Variants in BCAT1 observed in about 807,000 individuals in gnomAD.
BCAT1 encodes the protein branched-chain-amino-acid aminotransferase, cytosolic.
In BCAT1, 48 loss-of-function variants were observed where a neutral mutation model predicts 52.4. That is an observed-to-expected ratio of 0.92 (90% CI 0.73 to 1.16). BCAT1 has a LOEUF of 1.16. BCAT1 is among the 50% of genes most tolerant of loss of function. BCAT1 has a pLI of 0.00. For synonymous variants in BCAT1, 167 were observed against 161.3 expected, an observed-to-expected ratio of 1.04 and a Z score of -0.27; for missense variants, 451 against 457.1, an observed-to-expected ratio of 0.99 and a Z score of 0.12.
At chr12:24,855,118 A>G (rs1399346325) in intron 5 of BCAT1, among the ~76,000 whole-genome samples, 1 of 152,170 alleles carries the variant, frequency 6.6e-6, no homozygotes, top group Admixed American at 6.5e-5. Flanking sequence ...ATAATCACCA[A>G]GGAGGTCAGA....
chr12:24,860,644 T>C (rs921723757), intron 5 of BCAT1, among the ~76,000 whole-genome samples: 16 of 152,210 alleles, frequency 1.1e-4, no homozygotes, highest in African/African-American at 3.9e-4. Context: ...CTTTCAAATA[T>C]AAACAGATTG....
intron 5 of BCAT1, among the ~76,000 whole-genome samples, chr12:24,851,817 A>T (rs1591807606): frequency 1.3e-5 from 2 of 152,344 alleles, no homozygotes; most frequent in East Asian, 1.9e-4. Context: ...CCCAGCTACG[A>T]TAAAACTTAA....
intron 1 of BCAT1, among the ~76,000 whole-genome samples, chr12:24,914,250 T>A (rs1943372667): frequency 6.6e-6 from 1 of 151,974 alleles, no homozygotes; most frequent in Admixed American, 6.6e-5. Context: ...CCCGGCTAAT[T>A]TTTTATATTT....
At chr12:24,876,173 T>C (rs1349786962) in intron 5 of BCAT1, among the ~76,000 whole-genome samples, 2 of 145,930 alleles carry the variant, frequency 1.4e-5, no homozygotes, top group South Asian at 2.1e-4. Flanking sequence ...TCAAACATCA[T>C]ACAGTCAAAA....
chr12:24,910,273 A>G (rs1480683321), intron 1 of BCAT1, among the ~76,000 whole-genome samples: 1 of 152,004 alleles, frequency 6.6e-6, no homozygotes, highest in Non-Finnish European at 1.5e-5. Flanking sequence ...GCTCTACGGG[A>G]GGCTGAGGCA....
chr12:24,865,405 C>T (rs940681910), intron 5 of BCAT1, among the ~76,000 whole-genome samples: 6 of 152,202 alleles, frequency 3.9e-5, no homozygotes, highest in African/African-American at 1.2e-4. Flanking sequence ...GTGTGAGCTG[C>T]AGTAAGTATC....
chr12:24,901,348 C>T (rs1663510825), intron 2 of BCAT1, among the ~76,000 whole-genome samples: 1 of 152,210 alleles, frequency 6.6e-6, no homozygotes, highest in Non-Finnish European at 1.5e-5. Flanking sequence ...GTACAGTTTT[C>T]AACGTGCTTT....
At chr12:24,936,744 C>CAT (rs1425384927) in intron 1 of BCAT1, among the ~76,000 whole-genome samples, 18 of 150,504 alleles carry the variant, frequency 1.2e-4, no homozygotes, top group Middle Eastern at 3.4e-3. Context: ...CACACACATA[C>CAT]ACACACACAT....
intron 1 of BCAT1, among the ~76,000 whole-genome samples, chr12:24,922,053 C>A (rs1943506677): frequency 6.6e-6 from 1 of 152,232 alleles, no homozygotes; most frequent in African/African-American, 2.4e-5. Flanking sequence ...GGCACATAAA[C>A]CTGTTGTTCC....
chr12:24,933,973 G>A (rs1328583086), intron 1 of BCAT1, among the ~76,000 whole-genome samples: 1 of 152,032 alleles, frequency 6.6e-6, no homozygotes, highest in Admixed American at 6.6e-5. Flanking sequence ...CCTCTTGGCC[G>A]GCACCAGCTT....
intron 10 of BCAT1, among the ~76,000 whole-genome samples, chr12:24,820,703 A>T (rs1156967541): frequency 6.6e-6 from 1 of 152,220 alleles, no homozygotes; most frequent in African/African-American, 2.4e-5. Context: ...CATGTGGAAG[A>T]CTTAATGAAA....
chr12:24,887,080 A>AAATATATATATATATATAT (rs1245203518), intron 3 of BCAT1, among the ~76,000 whole-genome samples: 2 of 40,746 alleles, frequency 4.9e-5, no homozygotes, highest in Non-Finnish European at 1.0e-4. Flanking sequence ...AAAAAAAAAA[A>AAATATATATATATATATAT]ATATATATAT....
At chr12:24,902,054 G>C in intron 1 of BCAT1, 169 bp from the exon 2 acceptor site, 6 of 1,537,656 alleles carry the variant, frequency 3.9e-6, no homozygotes, top group Non-Finnish European at 4.4e-6. Context: ...TCCAACAAGC[G>C]TGTCTTGGGA....
At chr12:24,828,687 AT>A (rs1940511279) in intron 10 of BCAT1, among the ~76,000 whole-genome samples, 1 of 152,204 alleles carries the variant, frequency 6.6e-6, no homozygotes, top group East Asian at 1.9e-4. Flanking sequence ...ATATGATCCC[AT>A]TTTGTTAGGA....
intron 9 of BCAT1, 183 bp from the exon 10 acceptor site, chr12:24,830,080 T>C (rs1591781911): frequency 4.5e-6 from 2 of 442,022 alleles, no homozygotes; most frequent in Non-Finnish European, 7.9e-6. Flanking sequence ...AAAATTTGAA[T>C]AAAAACTAGC....
At chr12:24,912,225 T>C (rs1943337986) in intron 1 of BCAT1, among the ~76,000 whole-genome samples, 1 of 151,942 alleles carries the variant, frequency 6.6e-6, no homozygotes, top group African/African-American at 2.4e-5. Context: ...TATAAAAAAT[T>C]AGAAGAGGGC....
chr12:24,860,882 G>A (rs1941832446), intron 5 of BCAT1, among the ~76,000 whole-genome samples: 1 of 152,132 alleles, frequency 6.6e-6, no homozygotes, highest in Admixed American at 6.5e-5. Flanking sequence ...CTCAGCTCAA[G>A]GCTTTAGAAA....
chr12:24,831,890 G>A (rs1402527867), intron 9 of BCAT1, among the ~76,000 whole-genome samples: 1 of 151,818 alleles, frequency 6.6e-6, no homozygotes, highest in African/African-American at 2.4e-5. Flanking sequence ...CAAAAGTATG[G>A]CACATATAAA....
At position 24,907,390 on chromosome 12, in the gene BCAT1, C is replaced by T. The variant is rs182147298; in HGVS notation, c.7-5505G>A. 1.7e-3 allele frequency among the ~76,000 whole-genome samples: 261 copies of T among 152,318 alleles called. 3 individuals carry two copies. Among genetic ancestry groups the T allele is most frequent in the East Asian group, 4.0e-3 (21 of 5,186 alleles). On this transcript the variant is annotated intron_variant, in intron 1 of 10. Transcript: ENST00000261192. ...TCTTCTAATTTTATGATGGGAAGTT[C>T]ATGTCTGTCAGGCCTCTGAGCCCAA...
Sources: gnomAD v4.1 joint callset for allele counts (sites outside exome capture counted in the v4.1 genomes callset) on GRCh38, gnomAD v4.1.1 for gene constraint, MANE v1.5 for transcripts, NCBI Gene and HGNC (gene_info 2026-07-23, HGNC 2026-07-21) for gene names.